Variants in RIC8B observed in about 807,000 individuals in gnomAD.
The protein encoded by RIC8B is RIC8 guanine nucleotide exchange factor B, also known as chaperone Ric-8B.
In RIC8B, 16 loss-of-function variants were observed where a neutral mutation model predicts 57.5. That is an observed-to-expected ratio of 0.28 (90% CI 0.19 to 0.42). RIC8B has a LOEUF of 0.42. RIC8B is among the 10% of genes least tolerant of loss of function. RIC8B has a pLI of 1.00. For missense variants in RIC8B, 481 were observed against 677.0 expected, an observed-to-expected ratio of 0.71 and a Z score of 3.21; for synonymous variants, 216 against 250.8, an observed-to-expected ratio of 0.86 and a Z score of 1.31.
chr12:106,818,449 C>T (rs992285258), intron 3 of RIC8B, among the ~76,000 whole-genome samples: 11 of 151,990 alleles, frequency 7.2e-5, no homozygotes, highest in Admixed American at 1.3e-4. Flanking sequence ...CAGGCATGAG[C>T]CACCGCGCCC....
chr12:106,774,925 A>G, intron 1 of RIC8B, 96 bp downstream of exon 1: 1 of 908,188 alleles, frequency 1.1e-6, no homozygotes, highest in Non-Finnish European at 1.7e-6. Flanking sequence ...CATTCCGGGG[A>G]TGCGCATTGC....
chr12:106,885,951 C>A lies in RIC8B; in HGVS notation c.1619C>A (p.Thr540Lys). 3 of 1,613,698 alleles carry A rather than the reference C, an allele frequency of 1.9e-6. No homozygotes were observed. The highest frequency in any genetic ancestry group is 2.5e-6 in the Non-Finnish European group (3 of 1,179,830). ...PMGLKPDGTI[T>K]PLEEALNQYS... ...GGACTAAAACCTGATGGGACAATAA[C>A]GCCTTTGGAGGAAGCACTCAACCAG... The change falls in exon 10 of 10, where the codon ACG (threonine) becomes AAG (lysine). Residue 540 changes from threonine (T) to lysine (K), a missense_variant. By Grantham distance (78) the Thr-to-Lys change is moderately conservative (BLOSUM62 -1). Coordinates refer to ENST00000392837, the MANE Select transcript of RIC8B (RefSeq NM_001330145.2).
intron 6 of RIC8B, among the ~76,000 whole-genome samples, chr12:106,846,973 C>T (rs879933288): frequency 6.6e-6 from 1 of 152,146 alleles, no homozygotes; most frequent in African/African-American, 2.4e-5. Context: ...ACTTAAAGTA[C>T]AGATGATTAA....
At chr12:106,856,822 C>T (rs1949732676) in intron 7 of RIC8B, among the ~76,000 whole-genome samples, 2 of 152,154 alleles carry the variant, frequency 1.3e-5, no homozygotes, top group South Asian at 4.1e-4. Context: ...TCTATAAATT[C>T]AGGCTGGTGA....
intron 2 of RIC8B, among the ~76,000 whole-genome samples, chr12:106,813,512 G>A (rs2045434420): frequency 6.6e-6 from 1 of 152,066 alleles, no homozygotes; most frequent in African/African-American, 2.4e-5. Context: ...TTATATAAGA[G>A]ACTTGAGTAT....
intron 4 of RIC8B, among the ~76,000 whole-genome samples, chr12:106,836,375 T>C (rs1319077161): frequency 1.3e-5 from 2 of 152,170 alleles, no homozygotes; most frequent in African/African-American, 4.8e-5. Context: ...CTCCCTGAAC[T>C]CCAGACTCAC....
chr12:106,812,153 G>A (rs561916027), intron 2 of RIC8B, among the ~76,000 whole-genome samples: 18 of 152,296 alleles, frequency 1.2e-4, no homozygotes, highest in Middle Eastern at 6.8e-3. Flanking sequence ...AACAGTCACC[G>A]TGTGAGGTAG....
chr12:106,835,629 C>T (rs563636825), intron 4 of RIC8B, among the ~76,000 whole-genome samples: 28 of 152,276 alleles, frequency 1.8e-4, no homozygotes, highest in African/African-American at 6.7e-4. Context: ...GTTATGCTGC[C>T]TTCCCTTACG....
chr12:106,827,967 AT>A (rs1415320024), intron 4 of RIC8B, among the ~76,000 whole-genome samples: 2 of 152,248 alleles, frequency 1.3e-5, no homozygotes, highest in Non-Finnish European at 2.9e-5. Flanking sequence ...CGAATAATGA[AT>A]TTAATATCTT....
chr12:106,827,428 G>A (rs1334895218), intron 4 of RIC8B, among the ~76,000 whole-genome samples: 3 of 151,956 alleles, frequency 2.0e-5, no homozygotes, highest in Non-Finnish European at 2.9e-5. Flanking sequence ...TCCAAAATAC[G>A]GCTTAAATAA....
intron 3 of RIC8B, among the ~76,000 whole-genome samples, chr12:106,820,046 G>C (rs944711072): frequency 7.2e-5 from 11 of 151,998 alleles, no homozygotes; most frequent in Admixed American, 2.0e-4. Context: ...AAATATTGTT[G>C]GTTTATACCT....
chr12:106,831,238 C>G (rs2046340304), intron 4 of RIC8B, among the ~76,000 whole-genome samples: 1 of 152,212 alleles, frequency 6.6e-6, no homozygotes, highest in African/African-American at 2.4e-5. Context: ...CCTAACCTGA[C>G]AGATGGCTCC....
At chr12:106,826,078 A>G (rs1046411039) in intron 4 of RIC8B, among the ~76,000 whole-genome samples, 1 of 152,254 alleles carries the variant, frequency 6.6e-6, no homozygotes, top group Non-Finnish European at 1.5e-5. Flanking sequence ...TGCCACAAAT[A>G]GTTACTGTTC....
intron 4 of RIC8B, among the ~76,000 whole-genome samples, chr12:106,842,097 T>C (rs946829839): frequency 1.3e-5 from 2 of 152,222 alleles, no homozygotes; most frequent in Admixed American, 1.3e-4. Flanking sequence ...ATTTTCTACA[T>C]TTAGAAAGAA....
At chr12:106,833,737 T>C (rs1380289331) in intron 4 of RIC8B, among the ~76,000 whole-genome samples, 1 of 152,190 alleles carries the variant, frequency 6.6e-6, no homozygotes, top group Non-Finnish European at 1.5e-5. Context: ...ATATACTTGA[T>C]ATGTTTGGAT....
intron 4 of RIC8B, among the ~76,000 whole-genome samples, chr12:106,840,843 T>C (rs911531299): frequency 2.4e-4 from 36 of 152,190 alleles, no homozygotes; most frequent in Non-Finnish European, 5.9e-5. Context: ...TCTGGTAGGT[T>C]CAGAGCATCA....
chr12:106,825,199 ATACCAC>A (rs1218639853), intron 3 of RIC8B, among the ~76,000 whole-genome samples: 2 of 152,220 alleles, frequency 1.3e-5, no homozygotes, highest in Non-Finnish European at 2.9e-5. Context: ...TGTCTCTTTA[ATACCAC>A]TGCCAATGAG....
chr12:106,851,267 A>G (rs74556108), intron 6 of RIC8B, among the ~76,000 whole-genome samples, 183 bp from the exon 7 acceptor site: 2,372 of 150,872 alleles, frequency 0.016, 23 homozygotes, highest in African/African-American at 0.029. Flanking sequence ...GAGGCATGAA[A>G]TCACTTGAGG....
chr12:106,815,564 T>A (rs1261367508), intron 3 of RIC8B, among the ~76,000 whole-genome samples: 1 of 152,254 alleles, frequency 6.6e-6, no homozygotes, highest in Non-Finnish European at 1.5e-5. Context: ...CTGAGTTGCA[T>A]TATTCTCTCT....
Sources: allele counts gnomAD v4.1 joint callset (sites outside exome capture counted in the v4.1 genomes callset), GRCh38; gene constraint gnomAD v4.1.1; transcripts MANE v1.5; gene names NCBI Gene and HGNC (gene_info 2026-07-23, HGNC 2026-07-21).